ZNF418: variants seen among roughly 807,000 people sequenced by gnomAD.
The protein encoded by ZNF418 is zinc finger protein 418.
A neutral mutation model predicts 32.0 loss-of-function variants in ZNF418; 32 were observed. The observed-to-expected ratio is 1.00, with a 90% CI of 0.75 to 1.34. The LOEUF is 1.34. ZNF418 is among the 40% of genes most tolerant of loss of function. ZNF418 has a pLI of 0.00. For synonymous variants in ZNF418, 276 were observed against 270.7 expected (o/e 1.02, Z -0.19); for missense variants, 804 against 812.5 (o/e 0.99, Z 0.13).
Position 57,925,980 on chromosome 19 carries a change from C to G in ZNF418, c.*170G>C, listed in dbSNP as rs867253448. On this transcript the variant is annotated 3_prime_UTR_variant, in exon 4 of 6. Transcript: ENST00000396147. ...AGGCAGAAGGCTTTCTCACATTCATCGCACTCAAGAGGCCCTTCTGCAGTG... is the reference window on the plus strand; with the variant it reads ...AGGCAGAAGGCTTTCTCACATTCATGGCACTCAAGAGGCCCTTCTGCAGTG... 6.7e-6 allele frequency: 4 copies of G among 597,168 alleles called. No individual in the cohort carries two copies. In the African/African-American group the frequency reaches 7.4e-5, roughly 11 times the overall value. 37.0% of individuals were successfully genotyped at this position (597,168 alleles called of 1,614,324 possible).
In ZNF418 at chr19:57,926,212, G is replaced by A. The variant is rs1473662600; in HGVS notation, c.1969C>T (p.His657Tyr). 1 of 1,614,088 alleles carries A rather than the reference G, an allele frequency of 6.2e-7. No individual in the cohort carries two copies. The highest frequency in any genetic ancestry group is 1.1e-5 in the South Asian group (1 of 91,090). The change falls in exon 4 of 6, where the codon CAT becomes TAT. Residue 657 changes from histidine to tyrosine, a missense_variant. Physicochemically the swap from His to Tyr is moderately conservative, Grantham distance 83 (BLOSUM62 2). Around this residue, in one of 3 missense-constraint regions of ZNF418, gnomAD observed 475 missense variants for 458.6 expected, o/e 1.04. Transcript: ENST00000396147. ...YECSECGKSF[H>Y]RSSSLLRHQR... ...TGTCGAAGGAGAGAAGAGCTTCGAT[G>A]AAATGATTTTCCACATTCACTGCAC...
chr19:57,926,297 A>G lies in ZNF418; in HGVS notation c.1884T>C (p.Phe628=), dbSNP rs1295694201. 6.3e-7 allele frequency: 1 copy of G among 1,599,476 alleles called. No homozygotes were observed. The highest frequency in any genetic ancestry group is 8.5e-7 in the Non-Finnish European group (1 of 1,169,974). Residue 628 remains phenylalanine (F), a synonymous_variant, in exon 4 of 6, where the codon TTT becomes TTC. Transcript: ENST00000396147. ...GTTCAGTAAGACTGAAGGTTTCAGC[A>G]AAGGATTTCCCACATTCGCTGCACT... The part of the protein sequence containing the change: ...PYECSECGKS[F]AETFSLTEHR...
rs2072242280 is a variant in ZNF418 at position 57,926,674 on chromosome 19, C to A, written c.1507G>T (p.Val503Phe). The change falls in exon 4 of 6, where the codon GTT becomes TTT. Residue 503 changes from valine to phenylalanine, a missense_variant. This residue lies in a region of ZNF418 where 475 missense variants were observed against 458.6 expected (regional missense o/e 1.04). Coordinates refer to ENST00000396147, the MANE Select transcript of ZNF418 (RefSeq NM_133460.3). ...TCAAACGGTTTTTCTCCAGTGTGAA[C>A]TCTCTGATGAACACGAAACCCAGAG... The part of the protein sequence containing the change: ...DSSGFRVHQR[V>F]HTGEKPFECS... 3 of 1,614,084 alleles carry A rather than the reference C, an allele frequency of 1.9e-6. No homozygotes were observed. The South Asian group carries it at 3.3e-5, about 18-fold the overall frequency.
Position 57,926,634 on chromosome 19 carries a change from C to T in ZNF418, c.1547G>A (p.Gly516Glu), listed in dbSNP as rs1323267792. Residue 516 changes from glycine to glutamate, a missense_variant, in exon 4 of 6, where the codon GGG (glycine) becomes GAG (glutamate). By Grantham distance (98) the Gly-to-Glu change is moderately conservative. This residue lies in a region of ZNF418 where 475 missense variants were observed against 458.6 expected (regional missense o/e 1.04). Coordinates refer to ENST00000396147, the MANE Select transcript of ZNF418 (RefSeq NM_133460.3). Reference sequence around the variant, plus strand: ...GGAACAGCTTTGAGGAAATGACTTCCCACATTCACTACACTCAAACGGTTT... The same window carrying T: ...GGAACAGCTTTGAGGAAATGACTTCTCACATTCACTACACTCAAACGGTTT... ...GEKPFECSEC[G>E]KSFPQSCSLL... The T allele has an allele frequency of 6.2e-7, 1 of 1,614,132 alleles. No homozygotes were observed. The highest frequency in any genetic ancestry group is 8.5e-7 in the Non-Finnish European group (1 of 1,180,030).
intron 2 of ZNF418, among the ~76,000 whole-genome samples, chr19:57,931,003 C>T (rs577831583): frequency 7.4e-4 from 112 of 152,006 alleles, no homozygotes; most frequent in African/African-American, 2.7e-3. Flanking sequence ...TCTTGAACTC[C>T]TGACCTCGTG....
chr19:57,935,140 G>C, intron 1 of ZNF418, 21 bp downstream of exon 1: 1 of 1,312,252 alleles, frequency 7.6e-7, no homozygotes, highest in Admixed American at 2.7e-5. Context: ...GGTGACCTGA[G>C]GGCAGGGAAG....
rs116138810 is a variant in ZNF418 at position 57,926,781 on chromosome 19, G to T, written c.1400C>A (p.Ser467Tyr). 5.6e-6 allele frequency: 9 copies of T among 1,613,892 alleles called. No individual in the cohort carries two copies. In the Admixed American group the frequency reaches 1.2e-4, roughly 21 times the overall value. ...AACTCTCTGGTGTTCAATGAGGTGG[G>T]ACTTGCCCCTAAATAATTTCCTACA... Reference protein sequence around the residue: ...RECRKLFRGKSHLIEHQRVHT... With the variant: ...RECRKLFRGKYHLIEHQRVHT... The change falls in exon 4 of 6, where the codon TCC (serine) becomes TAC (tyrosine). Residue 467 changes from serine (S) to tyrosine (Y), a missense_variant. Coordinates refer to ENST00000396147, the MANE Select transcript of ZNF418 (RefSeq NM_133460.3).
rs760309022 is a variant in ZNF418, at chr19:57,927,703, T to C, written c.478A>G (p.Ile160Val). 7.4e-6 allele frequency: 12 copies of C among 1,614,258 alleles called. No homozygotes were observed. Among genetic ancestry groups the C allele is most frequent in the Non-Finnish European group, 1.0e-5 (12 of 1,180,046 alleles). ...AAGTCCTTTCCACTCTGAATGAAGA[T>C]AGATGACTCCTCTGACACATGGAAC... is the stretch of plus-strand genomic sequence containing the variant. Reference protein sequence around the residue: ...CKFHVSEESSIFIQSGKDFLP... With the variant: ...CKFHVSEESSVFIQSGKDFLP... Residue 160 changes from isoleucine to valine, a missense_variant, in exon 4 of 6, where the codon ATC becomes GTC. Physicochemically the swap from Ile to Val is conservative, Grantham distance 29. Around this residue, in one of 3 missense-constraint regions of ZNF418, gnomAD observed 307 missense variants for 304.9 expected, o/e 1.01. Coordinates refer to ENST00000396147, the MANE Select transcript of ZNF418 (RefSeq NM_133460.3).
chr19:57,926,320 A>T lies in ZNF418; in HGVS notation c.1861T>A (p.Cys621Ser), dbSNP rs1199010375. The change falls in exon 4 of 6, where the codon TGC (cysteine) becomes AGC (serine). Residue 621 changes from cysteine (C) to serine (S), a missense_variant. This residue lies in a region of ZNF418 where 475 missense variants were observed against 458.6 expected (regional missense o/e 1.04). Transcript: ENST00000396147. ...RLHTRGKPYECSECGKSFAET... is the reference protein window; with the variant it reads ...RLHTRGKPYESSECGKSFAET... ...GCAAAGGATTTCCCACATTCGCTGC[A>T]CTCGTAAGGCTTTCCTCGAGTATGA... 6.2e-7 allele frequency: 1 copy of T among 1,611,270 alleles called. No individual in the cohort carries two copies. The highest frequency in any genetic ancestry group is 8.5e-7 in the Non-Finnish European group (1 of 1,178,626).
intron 2 of ZNF418, chr19:57,932,291 C>T: frequency 1.4e-6 from 1 of 734,432 alleles, no homozygotes; most frequent in Non-Finnish European, 2.3e-6. Context: ...GATTTGTGCT[C>T]AGGCCATTTG....
At chr19:57,932,349 T>C in intron 2 of ZNF418, 6 of 1,377,396 alleles carry the variant, frequency 4.4e-6, no homozygotes, top group Non-Finnish European at 6.0e-6. Flanking sequence ...CACATTGGCC[T>C]TTCATTTTCG....
At position 57,927,528 on chromosome 19, in the gene ZNF418, A is replaced by C; in HGVS notation, c.653T>G (p.Phe218Cys). 1 of 1,614,224 alleles carries C rather than the reference A, an allele frequency of 6.2e-7. No homozygotes were observed. The highest frequency in any genetic ancestry group is 8.5e-7 in the Non-Finnish European group (1 of 1,180,036). Residue 218 changes from phenylalanine (F) to cysteine (C), a missense_variant, in exon 4 of 6, where the codon TTT becomes TGT. Around this residue, in one of 3 missense-constraint regions of ZNF418, gnomAD observed 307 missense variants for 304.9 expected, o/e 1.01. Coordinates refer to ENST00000396147, the MANE Select transcript of ZNF418 (RefSeq NM_133460.3). ...CMKHSSTKHV[F>C]VQQQRLPSRE... is the part of the protein sequence containing the mutation. ...AGAGGGAAGTCTCTGCTGTTGAACAAATACGTGTTTGGTGCTAGAATGTTT... is the reference window on the plus strand; with the variant it reads ...AGAGGGAAGTCTCTGCTGTTGAACACATACGTGTTTGGTGCTAGAATGTTT...
At chr19:57,932,545 T>A in intron 2 of ZNF418, 1 of 1,535,138 alleles carries the variant, frequency 6.5e-7, no homozygotes, top group Non-Finnish European at 8.7e-7. Context: ...TCCATGGCCC[T>A]ATTCCACTTC....
In ZNF418 at chr19:57,933,866, A is replaced by G; in HGVS notation, c.-44T>C. On this transcript the variant is annotated 5_prime_UTR_variant, in exon 2 of 6. Transcript: ENST00000396147. ...TCTGATCCTCCTTCCTCCTCCCTCA[A>G]ACACAGTGTGTTCTCTTCTTTGCAG... 2 of 1,613,962 alleles carry G rather than the reference A, an allele frequency of 1.2e-6. No individual in the cohort carries two copies. The highest frequency in any genetic ancestry group is 1.7e-6 in the Non-Finnish European group (2 of 1,179,986).
chr19:57,926,366 C>A lies in ZNF418; in HGVS notation c.1815G>T (p.Ala605=). The change falls in exon 4 of 6, where the codon GCG becomes GCT. Residue 605 remains alanine (A), a synonymous_variant. Coordinates refer to ENST00000396147, the MANE Select transcript of ZNF418 (RefSeq NM_133460.3). The part of the protein sequence containing the change: ...ECGKTFTRRS[A]HFKHQRLHTR... ...TATGAAGTCTCTGATGTTTAAAATG[C>A]GCAGACCTTCGAGTAAATGTTTTTC... is the stretch of plus-strand genomic sequence containing the variant. The A allele has an allele frequency of 6.2e-7, 1 of 1,602,578 alleles. No individual in the cohort carries two copies. Among genetic ancestry groups the A allele is most frequent in the Non-Finnish European group, 8.5e-7 (1 of 1,171,930 alleles).
At chr19:57,923,575 CAT>C (rs892897044) in intron 4 of ZNF418, among the ~76,000 whole-genome samples, 9 of 146,110 alleles carry the variant, frequency 6.2e-5, no homozygotes, top group African/African-American at 2.0e-4. Context: ...CATATATACA[CAT>C]ATATATATAT....
At chr19:57,934,231 G>T (rs752778720) in intron 1 of ZNF418, 1 of 1,049,028 alleles carries the variant, frequency 9.5e-7, no homozygotes, top group Non-Finnish European at 1.1e-6. Context: ...CCCTCTGTGG[G>T]TTCCTTTTTT....
intron 4 of ZNF418, among the ~76,000 whole-genome samples, chr19:57,923,503 TAC>T (rs1014799341): frequency 6.0e-5 from 9 of 149,706 alleles, no homozygotes; most frequent in African/African-American, 1.2e-4. Flanking sequence ...TATACATATA[TAC>T]ACACACATAT....
At position 57,921,970 on chromosome 19, in the gene ZNF418, G is replaced by GAAGCATGCAGTTTATATAGTATTTTC. The variant is rs2072013768; in HGVS notation, c.*1259_*1284dup. On this transcript the variant is annotated 3_prime_UTR_variant, in exon 6 of 6. Transcript: ENST00000396147. ...ACAAAAAAACCACTATCATTTGAAA[G>GAAGCATGCAGTTTATATAGTATTTTC]AAGCATGCAGTTTATATAGTATTTT... is the stretch of plus-strand genomic sequence containing the variant. The GAAGCATGCAGTTTATATAGTATTTTC allele has an allele frequency of 6.6e-6, 1 of 152,256 alleles. No homozygotes were observed. Among genetic ancestry groups the GAAGCATGCAGTTTATATAGTATTTTC allele is most frequent in the African/African-American group, 2.4e-5 (1 of 41,440 alleles). The allele number at this position is 152,256 out of a possible 1,614,324, so 9.4% of individuals were successfully genotyped here. A position where few individuals can be genotyped will look rare whatever the true frequency, so the allele number is the denominator to read the frequency against.
Sources: gnomAD v4.1 joint callset for allele counts (sites outside exome capture counted in the v4.1 genomes callset) on GRCh38, gnomAD v4.1.1 for gene constraint, gnomAD v4.1.1 regional missense constraint, MANE v1.5 for transcripts, NCBI Gene and HGNC (gene_info 2026-07-23, HGNC 2026-07-21) for gene names.